The following GAREM1 variants were observed in gnomAD, a reference collection of about 807,000 sequenced individuals.
GAREM1 encodes GRB2 associated regulator of MAPK1 subtype 1.
In GAREM1, 26 loss-of-function variants were observed where a neutral mutation model predicts 71.3. That is an observed-to-expected ratio of 0.36 (90% CI 0.27 to 0.51). The LOEUF (loss-of-function observed/expected upper bound fraction) is 0.51. GAREM1 is among the 20% of genes least tolerant of loss of function. The pLI is 0.95. For synonymous variants in GAREM1, 440 were observed against 433.2 expected (o/e 1.02, Z -0.20); for missense variants, 1,026 against 1,103.1 (o/e 0.93, Z 0.99).
intron 2 of GAREM1, among the ~76,000 whole-genome samples, chr18:32,382,869 C>T (rs772931066): frequency 4.6e-4 from 70 of 151,946 alleles, no homozygotes; most frequent in Non-Finnish European, 4.0e-4. Context: ...AACTGGGACT[C>T]CCACACGAGG....
intron 3 of GAREM1, among the ~76,000 whole-genome samples, chr18:32,297,500 T>C (rs548956182): frequency 6.6e-6 from 1 of 152,354 alleles, no homozygotes; most frequent in South Asian, 2.1e-4. Flanking sequence ...GTGTTTCACA[T>C]TGCCTTTCAC....
At chr18:32,450,568 C>G (rs1264284873) in intron 1 of GAREM1, among the ~76,000 whole-genome samples, 1 of 152,166 alleles carries the variant, frequency 6.6e-6, no homozygotes, top group African/African-American at 2.4e-5. Context: ...ATTGAAATTT[C>G]CCAGTATTAT....
chr18:32,381,088 A>G (rs2048092919), intron 2 of GAREM1, among the ~76,000 whole-genome samples: 1 of 151,948 alleles, frequency 6.6e-6, no homozygotes, highest in African/African-American at 2.4e-5. Context: ...TTATGGTATC[A>G]ATCTTTTAGA....
chr18:32,362,105 C>T (rs887170063), intron 2 of GAREM1, among the ~76,000 whole-genome samples: 1 of 152,132 alleles, frequency 6.6e-6, no homozygotes, highest in Non-Finnish European at 1.5e-5. Flanking sequence ...ACATGGAAAT[C>T]CCCAATTTGT....
intron 2 of GAREM1, among the ~76,000 whole-genome samples, chr18:32,386,656 G>C (rs972174426): frequency 2.0e-5 from 3 of 152,158 alleles, no homozygotes; most frequent in African/African-American, 7.2e-5. Flanking sequence ...CAGCAAGCTT[G>C]CCACGGAATG....
At chr18:32,318,351 A>T (rs1373631553) in intron 2 of GAREM1, among the ~76,000 whole-genome samples, 1 of 152,198 alleles carries the variant, frequency 6.6e-6, no homozygotes, top group Non-Finnish European at 1.5e-5. Flanking sequence ...ATAACACATC[A>T]GCTAAGATGC....
chr18:32,295,963 C>CTT (rs112464339), intron 3 of GAREM1, among the ~76,000 whole-genome samples: 10 of 146,416 alleles, frequency 6.8e-5, no homozygotes, highest in East Asian at 2.0e-4. Flanking sequence ...TTAGCTTTTT[C>CTT]TTTTTTTTTT....
At chr18:32,386,889 C>G (rs1445763893) in intron 2 of GAREM1, among the ~76,000 whole-genome samples, 1 of 152,130 alleles carries the variant, frequency 6.6e-6, no homozygotes, top group Non-Finnish European at 1.5e-5. Flanking sequence ...CAAGTTAGAT[C>G]TCTGAGAATC....
chr18:32,365,658 C>G lies in GAREM1; in HGVS notation c.262+27237G>C, dbSNP rs117823594. Among the ~76,000 whole-genome samples, 1,487 of 152,284 alleles carry G rather than the reference C, an allele frequency of 9.8e-3. 17 individuals are homozygous for G. Among genetic ancestry groups the G allele is most frequent in the Middle Eastern group, 0.031 (9 of 294 alleles). ...CTGGCCTGTTGCACCCCACCCTAGTCTCATTTTAGGATTTGCCCTGCTTCA... is the reference window on the plus strand; with the variant it reads ...CTGGCCTGTTGCACCCCACCCTAGTGTCATTTTAGGATTTGCCCTGCTTCA... On this transcript the variant is annotated intron_variant, in intron 2 of 5. Transcript: ENST00000269209.
chr18:32,326,142 G>A (rs1011920508), intron 2 of GAREM1, among the ~76,000 whole-genome samples: 3 of 152,196 alleles, frequency 2.0e-5, no homozygotes, highest in African/African-American at 4.8e-5. Flanking sequence ...CAGTAGTTTG[G>A]TAGATAGGAA....
chr18:32,304,059 C>A (rs1028543505), intron 3 of GAREM1, among the ~76,000 whole-genome samples: 2 of 151,894 alleles, frequency 1.3e-5, no homozygotes, highest in Non-Finnish European at 2.9e-5. Context: ...GTAATCCCAG[C>A]ACTTTGGGAG....
intron 2 of GAREM1, among the ~76,000 whole-genome samples, chr18:32,332,743 C>T (rs2047550104): frequency 6.6e-6 from 1 of 152,134 alleles, no homozygotes; most frequent in African/African-American, 2.4e-5. Flanking sequence ...ACGTAGTAAA[C>T]CTAGAGAAGA....
At chr18:32,353,589 AG>A (rs2144596098) in intron 2 of GAREM1, among the ~76,000 whole-genome samples, 1 of 152,348 alleles carries the variant, frequency 6.6e-6, no homozygotes, top group South Asian at 2.1e-4. Context: ...GAGTTACATT[AG>A]GTAAAAGTAC....
Position 32,265,564 on chromosome 18 carries a change from A to G in GAREM1, c.*2307T>C, listed in dbSNP as rs569975854. On this transcript the variant is annotated 3_prime_UTR_variant, in exon 6 of 6. Transcript: ENST00000269209. ...CACTGTAGTGATACTAGACTGTAGC[A>G]TAAGTGAATCAAAGGCCACAGTCCC... The G allele has an allele frequency of 2.0e-5, 3 of 152,346 alleles. No individual in the cohort carries two copies. Among genetic ancestry groups the G allele is most frequent in the African/African-American group, 7.2e-5 (3 of 41,584 alleles). 9.4% of individuals were successfully genotyped at this position (152,346 alleles called of 1,614,324 possible). A position where few individuals can be genotyped will look rare whatever the true frequency, so the allele number is the denominator to read the frequency against.
At chr18:32,374,758 A>G (rs2048016655) in intron 2 of GAREM1, among the ~76,000 whole-genome samples, 1 of 152,254 alleles carries the variant, frequency 6.6e-6, no homozygotes, top group African/African-American at 2.4e-5. Context: ...CTGTTCAACC[A>G]TTTAGGTATC....
chr18:32,430,418 G>C (rs573954872), intron 1 of GAREM1, among the ~76,000 whole-genome samples: 1 of 152,250 alleles, frequency 6.6e-6, no homozygotes, highest in South Asian at 2.1e-4. Context: ...CTTGTTTCTC[G>C]CAAGAGTACG....
intron 2 of GAREM1, among the ~76,000 whole-genome samples, chr18:32,339,990 G>A (rs576833776): frequency 6.6e-6 from 1 of 152,250 alleles, no homozygotes; most frequent in Admixed American, 6.5e-5. Flanking sequence ...TATAATCATG[G>A]CCTTGGCTAA....
Position 32,268,360 on chromosome 18 carries a change from A to G in GAREM1, c.2142T>C (p.Gly714=), listed in dbSNP as rs1567940573. 1 of 1,614,128 alleles carries G rather than the reference A, an allele frequency of 6.2e-7. No homozygotes were observed. The highest frequency in any genetic ancestry group is 8.5e-7 in the Non-Finnish European group (1 of 1,180,014). ...GGCATGACGTACTCTGCTTTGTCAC[A>G]CCAGCTGCAAGAGATTTCACATCTG... ...ESTDVKSLAA[G]VTKQSTSCPA... is the part of the protein sequence containing the mutation. Residue 714 remains glycine (G), a synonymous_variant, in exon 6 of 6, where the codon GGT becomes GGC. Coordinates refer to ENST00000269209, the MANE Select transcript of GAREM1 (RefSeq NM_001242409.2).
chr18:32,433,172 C>G (rs1188652555), intron 1 of GAREM1, among the ~76,000 whole-genome samples: 2 of 150,854 alleles, frequency 1.3e-5, no homozygotes, highest in African/African-American at 4.9e-5. Context: ...AACAACCCCA[C>G]ACAGGATCGT....
Sources: allele counts gnomAD v4.1 joint callset (sites outside exome capture counted in the v4.1 genomes callset), GRCh38; gene constraint gnomAD v4.1.1; transcripts MANE v1.5; gene names NCBI Gene and HGNC (gene_info 2026-07-23, HGNC 2026-07-21).